Variants in KCNIP4 observed in about 807,000 individuals in gnomAD.
KCNIP4 encodes Kv channel-interacting protein 4.
In KCNIP4, 12 loss-of-function variants were observed where a neutral mutation model predicts 34.0. That is an observed-to-expected ratio of 0.35 (90% CI 0.23 to 0.57). The LOEUF is 0.57. Among genes scored for constraint, KCNIP4 ranks in the 20% least tolerant of loss-of-function variants. The pLI is 0.83. For synonymous variants in KCNIP4, 124 were observed against 102.2 expected (o/e 1.21, Z -1.29); for missense variants, 238 against 311.7 (o/e 0.76, Z 1.78).
chr4:21,809,951 T>C (rs1421674420), intron 1 of KCNIP4, among the ~76,000 whole-genome samples: 1 of 152,204 alleles, frequency 6.6e-6, no homozygotes, highest in Non-Finnish European at 1.5e-5. Context: ...ATGAAGATCA[T>C]GTAATTGCCT....
At chr4:21,206,307 T>G (rs1756848568) in intron 1 of KCNIP4, among the ~76,000 whole-genome samples, 1 of 152,326 alleles carries the variant, frequency 6.6e-6, no homozygotes, top group South Asian at 2.1e-4. Flanking sequence ...TTCTGGATAC[T>G]GCAGTAGCTG....
intron 1 of KCNIP4, among the ~76,000 whole-genome samples, chr4:21,691,374 T>C (rs1711617205): frequency 6.6e-6 from 1 of 152,168 alleles, no homozygotes; most frequent in Admixed American, 6.6e-5. Context: ...AGGTTTCCTC[T>C]CCAGGCTCTG....
intron 1 of KCNIP4, among the ~76,000 whole-genome samples, chr4:21,867,136 T>A (rs1725484260): frequency 6.6e-6 from 1 of 152,188 alleles, no homozygotes; most frequent in Non-Finnish European, 1.5e-5. Flanking sequence ...AATTTAAGTA[T>A]GTGTCTTTCT....
intron 1 of KCNIP4, among the ~76,000 whole-genome samples, chr4:21,197,207 T>C (rs1756119218): frequency 6.6e-6 from 1 of 152,236 alleles, no homozygotes; most frequent in African/African-American, 2.4e-5. Context: ...GAATATTAAC[T>C]ATTGCGAACA....
chr4:21,499,890 A>G (rs912779637), intron 1 of KCNIP4, among the ~76,000 whole-genome samples: 12 of 152,158 alleles, frequency 7.9e-5, no homozygotes, highest in Non-Finnish European at 1.3e-4. Flanking sequence ...TGCACATTTT[A>G]TTACCATCTT....
intron 1 of KCNIP4, among the ~76,000 whole-genome samples, chr4:21,870,194 A>G (rs895955039): frequency 2.0e-5 from 3 of 152,122 alleles, no homozygotes; most frequent in African/African-American, 7.2e-5. Flanking sequence ...ACTCTTTTGC[A>G]TTCCTATACG....
At position 20,732,753 on chromosome 4, in the gene KCNIP4, A is replaced by G. The variant is rs765280608; in HGVS notation, c.570T>C (p.Asp190=). ...CAGGATATGTACATTTACCCATCAT[A>G]TCGTATATTGCTTTCATTATATCAA... ...EMLDIMKAIY[D]MMGKCTYPVL... is the part of the protein sequence containing the mutation. The change falls in exon 7 of 9, where the codon GAT becomes GAC. Residue 190 remains aspartate, a synonymous_variant. Transcript: ENST00000382152. 1.9e-6 allele frequency: 3 copies of G among 1,611,598 alleles called. No individual in the cohort carries two copies. The highest frequency in any genetic ancestry group is 1.7e-5 in the Admixed American group (1 of 59,972).
chr4:21,375,032 T>C (rs577035494), intron 1 of KCNIP4, among the ~76,000 whole-genome samples: 1 of 147,652 alleles, frequency 6.8e-6, no homozygotes, highest in Non-Finnish European at 1.5e-5. Flanking sequence ...TCGGAGGTAA[T>C]AGGGGAACAA....
intron 1 of KCNIP4, among the ~76,000 whole-genome samples, chr4:21,091,801 C>T (rs1055725252): frequency 1.3e-5 from 2 of 152,142 alleles, no homozygotes; most frequent in Non-Finnish European, 2.9e-5. Flanking sequence ...AGACACCAAT[C>T]CATTCATGAG....
chr4:21,844,450 G>A (rs1311656873), intron 1 of KCNIP4: 1 of 152,040 alleles, frequency 6.6e-6, no homozygotes, highest in Non-Finnish European at 1.5e-5. Context: ...CAATCTGACA[G>A]TCAACTCCAA....
At chr4:21,428,388 A>G (rs1257888574) in intron 1 of KCNIP4, among the ~76,000 whole-genome samples, 2 of 152,198 alleles carry the variant, frequency 1.3e-5, no homozygotes, top group East Asian at 1.9e-4. Context: ...TGAGGGAGGC[A>G]TAAAAGTCAA....
rs1385340954 is a variant in KCNIP4 at position 21,670,218 on chromosome 4, A to G, written c.61+278353T>C. On this transcript the variant is annotated intron_variant, in intron 1 of 8. Coordinates refer to ENST00000382152, the MANE Select transcript of KCNIP4 (RefSeq NM_025221.6). ...GAAATACAACGTTGCTATTAAACTT[A>G]GAGAATAAAAACAATCGCAGCCATA... 4.6e-5 allele frequency among the ~76,000 whole-genome samples: 7 copies of G among 152,234 alleles called. No homozygotes were observed. In the East Asian group the frequency reaches 1.4e-3, roughly 30 times the overall value.
chr4:21,525,803 A>G (rs972282405), intron 1 of KCNIP4, among the ~76,000 whole-genome samples: 2 of 152,138 alleles, frequency 1.3e-5, no homozygotes, highest in African/African-American at 2.4e-5. Flanking sequence ...TAGAAATTCA[A>G]TCTTCAAGTT....
chr4:21,809,630 A>C (rs1721504861), intron 1 of KCNIP4, among the ~76,000 whole-genome samples: 1 of 152,176 alleles, frequency 6.6e-6, no homozygotes, highest in Admixed American at 6.5e-5. Flanking sequence ...GTAGTGCATG[A>C]TACAAGAAAC....
intron 1 of KCNIP4, among the ~76,000 whole-genome samples, chr4:21,875,974 G>GA (rs1182445949): frequency 6.6e-6 from 1 of 152,132 alleles, no homozygotes. Context: ...GGAGACTTCA[G>GA]AAAAATCAAT....
intron 1 of KCNIP4, among the ~76,000 whole-genome samples, chr4:21,009,954 A>G (rs191283183): frequency 6.6e-6 from 1 of 152,332 alleles, no homozygotes; most frequent in East Asian, 1.9e-4. Flanking sequence ...TGGCTTAAAC[A>G]ACAGGTATTT....
chr4:21,329,780 G>C (rs1578085933), intron 1 of KCNIP4, among the ~76,000 whole-genome samples: 2 of 152,174 alleles, frequency 1.3e-5, no homozygotes, highest in Non-Finnish European at 2.9e-5. Context: ...CAGGTAGAAA[G>C]ATTATCGAAG....
intron 1 of KCNIP4, among the ~76,000 whole-genome samples, chr4:21,926,542 C>G (rs1186952615): frequency 1.3e-5 from 2 of 152,166 alleles, no homozygotes; most frequent in Non-Finnish European, 2.9e-5. Flanking sequence ...GTGTGCCAGT[C>G]TCCAGGATAG....
At chr4:21,581,025 AT>A (rs1741162873) in intron 1 of KCNIP4, among the ~76,000 whole-genome samples, 2 of 152,152 alleles carry the variant, frequency 1.3e-5, no homozygotes, top group South Asian at 4.1e-4. Flanking sequence ...TGTTCAATTT[AT>A]TTTATCTTCT....
Sources: gnomAD v4.1 joint callset for allele counts (sites outside exome capture counted in the v4.1 genomes callset) on GRCh38, gnomAD v4.1.1 for gene constraint, MANE v1.5 for transcripts, NCBI Gene and HGNC (gene_info 2026-07-23, HGNC 2026-07-21) for gene names.